The following CSNK1G1 variants were observed in gnomAD, a reference collection of about 807,000 sequenced individuals.
CSNK1G1 encodes the protein casein kinase I isoform gamma-1.
CSNK1G1 carries 22 observed loss-of-function variants against 59.6 expected under a neutral mutation model. The observed-to-expected ratio is 0.37, with a 90% CI of 0.26 to 0.53. CSNK1G1 has a LOEUF of 0.53. Among genes scored for constraint, CSNK1G1 ranks in the 20% least tolerant of loss-of-function variants. CSNK1G1 has a pLI of 0.89. For missense variants in CSNK1G1, 384 were observed against 519.5 expected (o/e 0.74, Z 2.54); for synonymous variants, 179 against 177.1 (o/e 1.01, Z -0.08).
At chr15:64,338,700 C>CAAAAAAAA (rs34206192) in intron 1 of CSNK1G1, among the ~76,000 whole-genome samples, 11 of 31,532 alleles carry the variant, frequency 3.5e-4, no homozygotes, top group African/African-American at 1.7e-3. Context: ...AACTCGGTCT[C>CAAAAAAAA]AAAAAAAAAA....
intron 4 of CSNK1G1, among the ~76,000 whole-genome samples, chr15:64,220,293 T>G (rs1171435186): frequency 6.6e-6 from 1 of 151,496 alleles, no homozygotes; most frequent in Admixed American, 6.6e-5. Flanking sequence ...CGAAGCTTCA[T>G]CTTGCTGGTC....
At chr15:64,354,682 G>A (rs1461207762) in intron 1 of CSNK1G1, among the ~76,000 whole-genome samples, 1 of 151,986 alleles carries the variant, frequency 6.6e-6, no homozygotes, top group Non-Finnish European at 1.5e-5. Flanking sequence ...CCTTGACTGT[G>A]TATGATTAAT....
intron 1 of CSNK1G1, among the ~76,000 whole-genome samples, chr15:64,325,466 A>C (rs145327833): frequency 6.6e-6 from 1 of 152,296 alleles, no homozygotes; most frequent in East Asian, 1.9e-4. Flanking sequence ...CTCATATTAT[A>C]ATGGCTTACT....
chr15:64,203,937 GT>G (rs1394692988), intron 9 of CSNK1G1, among the ~76,000 whole-genome samples: 1 of 151,986 alleles, frequency 6.6e-6, no homozygotes, highest in Non-Finnish European at 1.5e-5. Flanking sequence ...CAGGTCAGGA[GT>G]TTGAGATCAG....
rs551775870 is a variant in CSNK1G1, at chr15:64,325,227, A to G, written c.-224-24504T>C. ...ACACAATTTCAAGTGGTTGTTAGTGATATTTTACCTTCACTGGGATATAGC... is the reference window on the plus strand; with the variant it reads ...ACACAATTTCAAGTGGTTGTTAGTGGTATTTTACCTTCACTGGGATATAGC... On this transcript the variant is annotated intron_variant, in intron 1 of 11. Transcript: ENST00000303052. Among the ~76,000 whole-genome samples, 5 of 152,342 alleles carry G rather than the reference A, an allele frequency of 3.3e-5. No individual in the cohort carries two copies. In the South Asian group the frequency reaches 6.2e-4, roughly 19 times the overall value.
At chr15:64,175,245 A>T (rs2140202197) in intron 11 of CSNK1G1, among the ~76,000 whole-genome samples, 1 of 152,268 alleles carries the variant, frequency 6.6e-6, no homozygotes, top group South Asian at 2.1e-4. Flanking sequence ...CCTGTCCCTG[A>T]GGAAGCCCCT....
intron 4 of CSNK1G1, among the ~76,000 whole-genome samples, chr15:64,219,504 G>A (rs1199112179): frequency 6.6e-6 from 1 of 152,046 alleles, no homozygotes; most frequent in African/African-American, 2.4e-5. Context: ...TGTCACCCAG[G>A]CTGGAGGGCA....
At chr15:64,247,288 T>G (rs1262388473) in intron 4 of CSNK1G1, among the ~76,000 whole-genome samples, 1 of 152,212 alleles carries the variant, frequency 6.6e-6, no homozygotes, top group Non-Finnish European at 1.5e-5. Context: ...GTGACCATAA[T>G]ACAATTAACA....
At chr15:64,251,658 G>A (rs949522963) in intron 3 of CSNK1G1, 77 bp from the exon 4 acceptor site, 22 of 975,036 alleles carry the variant, frequency 2.3e-5, no homozygotes, top group South Asian at 2.0e-4. Context: ...TGGAGTAAAC[G>A]AGGGCTAAGA....
At chr15:64,323,436 G>A (rs1010408189) in intron 1 of CSNK1G1, among the ~76,000 whole-genome samples, 2 of 151,748 alleles carry the variant, frequency 1.3e-5, no homozygotes, top group African/African-American at 4.8e-5. Flanking sequence ...CGCAATCTCG[G>A]CTCACTGCAA....
intron 2 of CSNK1G1, among the ~76,000 whole-genome samples, chr15:64,274,759 C>T (rs56239026): frequency 0.19 from 29,349 of 152,066 alleles, 3,914 homozygotes; most frequent in African/African-American, 0.38. Flanking sequence ...CTTCATCAGA[C>T]ACTGCATTAT....
intron 1 of CSNK1G1, among the ~76,000 whole-genome samples, chr15:64,303,941 A>G (rs968751498): frequency 8.6e-5 from 13 of 150,606 alleles, no homozygotes; most frequent in African/African-American, 3.2e-4. Flanking sequence ...AAAGCCAAAA[A>G]TCTCACTCAG....
Position 64,203,237 on chromosome 15 carries a change from G to C in CSNK1G1, c.1000-48C>G, listed in dbSNP as rs373960684. ...CAAATGGGGGAAACAGGTCCAACTT[G>C]ATGCATATGCAAAGGACAGAATGAT... On this transcript the variant is annotated intron_variant, in intron 9 of 11. Transcript: ENST00000303052. 56 of 1,141,880 alleles carry C rather than the reference G, an allele frequency of 4.9e-5. No homozygotes were observed. In the East Asian group the frequency reaches 1.0e-3, roughly 21 times the overall value. The allele number at this position is 1,141,880 out of a possible 1,614,324, so 70.7% of individuals were successfully genotyped here.
At chr15:64,231,914 A>T (rs900397896) in intron 4 of CSNK1G1, among the ~76,000 whole-genome samples, 1 of 152,150 alleles carries the variant, frequency 6.6e-6, no homozygotes, top group African/African-American at 2.4e-5. Context: ...TTTCCTTCCA[A>T]TGACACTCTA....
intron 11 of CSNK1G1, among the ~76,000 whole-genome samples, chr15:64,179,300 GACA>G (rs2081780229): frequency 6.6e-6 from 1 of 152,112 alleles, no homozygotes; most frequent in Non-Finnish European, 1.5e-5. Context: ...AGGCAGGAAA[GACA>G]ACAATACAAA....
intron 1 of CSNK1G1, among the ~76,000 whole-genome samples, chr15:64,311,677 G>GGAA (rs751951518): frequency 1.8e-5 from 2 of 108,156 alleles, no homozygotes; most frequent in African/African-American, 7.0e-5. Flanking sequence ...TAAAAAAAGT[G>GGAA]AAAAAAAAAA....
intron 4 of CSNK1G1, among the ~76,000 whole-genome samples, chr15:64,241,421 C>T (rs2082692215): frequency 6.6e-6 from 1 of 152,148 alleles, no homozygotes; most frequent in African/African-American, 2.4e-5. Flanking sequence ...GGGGCTTCAA[C>T]ATCCCATTGG....
intron 2 of CSNK1G1, among the ~76,000 whole-genome samples, chr15:64,287,713 T>C (rs1894504662): frequency 6.6e-6 from 1 of 152,158 alleles, no homozygotes; most frequent in Non-Finnish European, 1.5e-5. Flanking sequence ...TGAAGATGGT[T>C]AAAGGAATGA....
intron 10 of CSNK1G1, among the ~76,000 whole-genome samples, chr15:64,201,706 A>ATGTGTGTGTGTGTG (rs10664838): frequency 7.3e-4 from 93 of 126,540 alleles, no homozygotes; most frequent in Non-Finnish European, 1.3e-3. Context: ...TCCATTGGAC[A>ATGTGTGTGTGTGTG]TGTGTGTGTG....
Sources: allele counts gnomAD v4.1 joint callset (sites outside exome capture counted in the v4.1 genomes callset), GRCh38; gene constraint gnomAD v4.1.1; transcripts MANE v1.5; gene names NCBI Gene and HGNC (gene_info 2026-07-23, HGNC 2026-07-21).